The following CHLSN variants were observed in gnomAD, a reference collection of about 807,000 sequenced individuals.
CHLSN encodes the protein cholesin.
At chr7:1,006,318 A>G in the CHLSN span, among the ~76,000 whole-genome samples, 2 of 152,142 alleles carry the variant, frequency 1.3e-5, no homozygotes. Flanking sequence ...CGACGGCCAC[A>G]GTGCAGGGAA....
chr7:1,046,135 T>A, the CHLSN span, among the ~76,000 whole-genome samples: 1 of 152,192 alleles, frequency 6.6e-6, no homozygotes, highest in African/African-American at 2.4e-5. Context: ...GGAAATATGC[T>A]CGTGTAATTT....
the CHLSN span, among the ~76,000 whole-genome samples, chr7:1,105,430 T>C: frequency 2.6e-5 from 4 of 152,162 alleles, no homozygotes; most frequent in African/African-American, 9.7e-5. Context: ...GGCTGCCTCA[T>C]GGGGTGGCCT....
the CHLSN span, chr7:1,025,594 G>C: frequency 6.6e-6 from 1 of 152,264 alleles, no homozygotes; most frequent in Non-Finnish European, 1.5e-5. Context: ...ACACAGCTCC[G>C]TGTATTCTGA....
At chr7:1,136,021 TATATAA>T in the CHLSN span, among the ~76,000 whole-genome samples, 1 of 120,926 alleles carries the variant, frequency 8.3e-6, no homozygotes, top group Non-Finnish European at 1.6e-5. Flanking sequence ...TATATATGTA[TATATAA>T]ATATATGTAT....
At chr7:1,120,012 A>G in the CHLSN span, among the ~76,000 whole-genome samples, 1 of 152,222 alleles carries the variant, frequency 6.6e-6, no homozygotes, top group Non-Finnish European at 1.5e-5. Context: ...ATAAAAGAGA[A>G]GCACTTCTTT....
the CHLSN span, among the ~76,000 whole-genome samples, chr7:1,086,160 G>A: frequency 5.3e-5 from 8 of 152,366 alleles, 1 homozygote; most frequent in East Asian, 1.5e-3. Context: ...GGAGAGCTTG[G>A]GAGCTGAGCT....
the CHLSN span, chr7:988,141 G>A: frequency 9.3e-7 from 1 of 1,073,356 alleles, no homozygotes; most frequent in Non-Finnish European, 1.3e-6. Context: ...GGGTTTGGGT[G>A]CCTCACCTGC....
At chr7:1,015,539 A>C in the CHLSN span, among the ~76,000 whole-genome samples, 1 of 152,174 alleles carries the variant, frequency 6.6e-6, no homozygotes, top group Non-Finnish European at 1.5e-5. Context: ...TTTCCCCCCA[A>C]GTCTAAGGGA....
chr7:1,067,617 G>T, the CHLSN span, among the ~76,000 whole-genome samples: 2 of 25,756 alleles, frequency 7.8e-5, no homozygotes. Context: ...GCACCCCAGA[G>T]GTGAGGGTTT....
chr7:1,022,210 C>A, the CHLSN span, among the ~76,000 whole-genome samples: 1 of 152,214 alleles, frequency 6.6e-6, no homozygotes, highest in African/African-American at 2.4e-5. Flanking sequence ...CCCCGTCCCA[C>A]GAGGACAGAC....
At chr7:1,080,312 C>T in the CHLSN span, among the ~76,000 whole-genome samples, 2 of 152,260 alleles carry the variant, frequency 1.3e-5, no homozygotes, top group Admixed American at 6.5e-5. Flanking sequence ...GTCGCTCCCA[C>T]GATGGCGGGA....
chr7:985,668 C>A, the CHLSN span, among the ~76,000 whole-genome samples: 3 of 152,216 alleles, frequency 2.0e-5, no homozygotes, highest in Non-Finnish European at 4.4e-5. Context: ...AGTCCAGGCA[C>A]CTTCCTGCTG....
the CHLSN span, among the ~76,000 whole-genome samples, chr7:1,018,106 A>T: frequency 7.2e-5 from 11 of 152,140 alleles, no homozygotes; most frequent in Non-Finnish European, 1.5e-4. Context: ...GCGTGCACAC[A>T]TACCCCTGCC....
chr7:1,112,124 T>C, the CHLSN span, among the ~76,000 whole-genome samples: 8 of 152,222 alleles, frequency 5.3e-5, no homozygotes. Context: ...TCTGGGCTGA[T>C]CACAGCAGCA....
the CHLSN span, among the ~76,000 whole-genome samples, chr7:985,599 G>C: frequency 6.6e-6 from 1 of 152,154 alleles, no homozygotes; most frequent in Admixed American, 6.5e-5. Context: ...GGAGGTGGGA[G>C]GCAGGCATGG....
chr7:984,817 A>T, the CHLSN span: 3 of 1,288,502 alleles, frequency 2.3e-6, no homozygotes, highest in Non-Finnish European at 3.2e-6. Flanking sequence ...GCCCAGGGGG[A>T]CGGGAGTGGG....
chr7:1,115,825 G>A, the CHLSN span, among the ~76,000 whole-genome samples: 117 of 102,878 alleles, frequency 1.1e-3, 15 homozygotes, highest in Admixed American at 2.1e-3. Context: ...TACAGCTCTA[G>A]GGATGGCTTC....
At chr7:1,051,099 C>T in the CHLSN span, among the ~76,000 whole-genome samples, 10 of 152,210 alleles carry the variant, frequency 6.6e-5, no homozygotes, top group South Asian at 2.1e-4. Flanking sequence ...CCAGCACACC[C>T]GGACTTCTCG....
the CHLSN span, among the ~76,000 whole-genome samples, chr7:1,070,754 C>A: frequency 2.7e-3 from 399 of 149,654 alleles, no homozygotes; most frequent in Admixed American, 7.1e-3. Flanking sequence ...ACACAACGCA[C>A]GCAGACATAC....
Sources: gnomAD v4.1 joint callset for allele counts (sites outside exome capture counted in the v4.1 genomes callset) on GRCh38, gnomAD v4.1.1 for gene constraint, MANE v1.5 for transcripts, NCBI Gene and HGNC (gene_info 2026-07-23, HGNC 2026-07-21) for gene names.